The following SH3BP5 variants were observed in gnomAD, a reference collection of about 807,000 sequenced individuals.
The protein encoded by SH3BP5 is SH3 domain-binding protein 5.
In SH3BP5, 22 loss-of-function variants were observed where a neutral mutation model predicts 43.3. The observed-to-expected ratio is 0.51, with a 90% CI of 0.36 to 0.73. The LOEUF is 0.73. Ranked by LOEUF, SH3BP5 falls within the 30% of genes least tolerant of loss-of-function variation. The probability of loss-of-function intolerance (pLI) is 0.00; values close to 1 mark genes in which losing one functional copy is unlikely to be tolerated. For missense variants in SH3BP5, 529 were observed against 586.9 expected, an observed-to-expected ratio of 0.90 and a Z score of 1.02; for synonymous variants, 255 against 225.8, an observed-to-expected ratio of 1.13 and a Z score of -1.16.
Position 15,258,917 on chromosome 3 carries a change from G to A in SH3BP5, c.803C>T (p.Pro268Leu). Reference protein sequence around the residue: ...HERRRSSAMGPRGCGVGAEGS... With the variant: ...HERRRSSAMGLRGCGVGAEGS... ...CTCAGCACCAACACCGCATCCCCGA[G>A]GCCCCATGGCACTGGAGCGCCGCCG... Residue 268 changes from proline (P) to leucine (L), a missense_variant, in exon 7 of 9, where the codon CCT (proline) becomes CTT (leucine). Around this residue, in one of 3 missense-constraint regions of SH3BP5, gnomAD observed 369 missense variants for 384.3 expected, o/e 0.96. Transcript: ENST00000383791. 6.2e-7 allele frequency: 1 copy of A among 1,614,204 alleles called. No homozygotes were observed. The highest frequency in any genetic ancestry group is 1.7e-5 in the Admixed American group (1 of 60,022).
rs916259647 is a variant in SH3BP5, at chr3:15,256,783, G to A, written c.1150+70C>T. On this transcript the variant is annotated intron_variant, in intron 8 of 8. Coordinates refer to ENST00000383791, the MANE Select transcript of SH3BP5 (RefSeq NM_004844.5). ...GGGCCCTGAGACCTGGCAGAGGTAT[G>A]GAATGGCACAACAGTCAGGCTACAG... is the stretch of plus-strand genomic sequence containing the variant. The A allele has an allele frequency of 4.0e-6, 6 of 1,518,802 alleles. No homozygotes were observed. In the African/African-American group the frequency reaches 6.9e-5, roughly 17 times the overall value. The allele number at this position is 1,518,802 out of a possible 1,614,324, so 94.1% of individuals were successfully genotyped here.
chr3:15,341,000 C>G (rs994859561), intron 1 of SH3BP5, among the ~76,000 whole-genome samples: 1 of 152,002 alleles, frequency 6.6e-6, no homozygotes, highest in African/African-American at 2.4e-5. Flanking sequence ...TGTGATGAGC[C>G]GAGAGCACAC....
intron 2 of SH3BP5, among the ~76,000 whole-genome samples, chr3:15,306,691 C>CA (rs1344609814): frequency 6.6e-6 from 1 of 152,032 alleles, no homozygotes; most frequent in African/African-American, 2.4e-5. Context: ...TATTTTGAGA[C>CA]AGAGTCTCAC....
At chr3:15,273,428 C>T in intron 3 of SH3BP5, 1 of 984,952 alleles carries the variant, frequency 1.0e-6, no homozygotes, top group African/African-American at 1.7e-5. Context: ...AGAGGAAGCC[C>T]ATGTGAAGCT....
At chr3:15,273,325 T>C in intron 3 of SH3BP5, 8 of 985,396 alleles carry the variant, frequency 8.1e-6, no homozygotes, top group Non-Finnish European at 9.6e-6. Flanking sequence ...TTCTGAAAGG[T>C]GGCTGCTGTA....
intron 2 of SH3BP5, among the ~76,000 whole-genome samples, chr3:15,321,673 C>A (rs1490136279): frequency 6.6e-6 from 1 of 152,016 alleles, no homozygotes; most frequent in East Asian, 1.9e-4. Context: ...TCTGAGGGTA[C>A]ATTTTTCTAG....
intron 2 of SH3BP5, among the ~76,000 whole-genome samples, chr3:15,310,958 C>A (rs769189597): frequency 1.3e-5 from 2 of 152,158 alleles, no homozygotes; most frequent in African/African-American, 2.4e-5. Context: ...ATGAAGCACA[C>A]AGGATGAGTC....
chr3:15,328,481 C>A (rs895481676), intron 2 of SH3BP5, among the ~76,000 whole-genome samples: 1 of 151,816 alleles, frequency 6.6e-6, no homozygotes, highest in Non-Finnish European at 1.5e-5. Flanking sequence ...GTGATCCCAG[C>A]ACTTTGGGAG....
chr3:15,323,629 A>G (rs1360759014), intron 2 of SH3BP5, among the ~76,000 whole-genome samples: 1 of 152,192 alleles, frequency 6.6e-6, no homozygotes, highest in Non-Finnish European at 1.5e-5. Flanking sequence ...TATCCCTAGA[A>G]GTCAGCAGAC....
Position 15,255,220 on chromosome 3 carries a change from C to G in SH3BP5, c.*866G>C, listed in dbSNP as rs765433393. The G allele has an allele frequency of 1.6e-4, 25 of 152,624 alleles. No homozygotes were observed. Among genetic ancestry groups the G allele is most frequent in the Non-Finnish European group, 2.6e-4 (18 of 68,026 alleles). The allele number at this position is 152,624 out of a possible 1,614,324, so 9.5% of individuals were successfully genotyped here. On this transcript the variant is annotated 3_prime_UTR_variant, in exon 9 of 9. Coordinates refer to ENST00000383791, the MANE Select transcript of SH3BP5 (RefSeq NM_004844.5). ...TAAGGAATACTAGTGCAGCATAACC[C>G]TTAAATAATTTCATTTATTTTTAAA...
intron 2 of SH3BP5, chr3:15,304,432 C>CAGTG (rs1342020160): frequency 3.6e-5 from 29 of 797,838 alleles, no homozygotes; most frequent in Non-Finnish European, 2.1e-6. Flanking sequence ...GTGCTCTGCA[C>CAGTG]AGTGCAGTGT....
chr3:15,306,705 G>A (rs1697919485), intron 2 of SH3BP5, among the ~76,000 whole-genome samples: 1 of 152,082 alleles, frequency 6.6e-6, no homozygotes, highest in African/African-American at 2.4e-5. Flanking sequence ...GTCTCACTCT[G>A]TCACCCAGGC....
At chr3:15,265,361 C>G (rs893609703) in intron 4 of SH3BP5, among the ~76,000 whole-genome samples, 2 of 152,086 alleles carry the variant, frequency 1.3e-5, no homozygotes, top group African/African-American at 2.4e-5. Flanking sequence ...ACTAAAAATA[C>G]AAAAATTAGC....
At chr3:15,273,324 GTGGCTGC>G in intron 3 of SH3BP5, 1 of 985,302 alleles carries the variant, frequency 1.0e-6, no homozygotes, top group Non-Finnish European at 1.2e-6. Flanking sequence ...CTTCTGAAAG[GTGGCTGC>G]TGTACCACGG....
At chr3:15,303,850 C>T (rs188991232) in intron 3 of SH3BP5, among the ~76,000 whole-genome samples, 4 of 152,304 alleles carry the variant, frequency 2.6e-5, no homozygotes, top group Admixed American at 6.5e-5. Context: ...CCTCTGGACA[C>T]GTCCCCTTAA....
chr3:15,259,852 C>G lies in SH3BP5; in HGVS notation c.627-49G>C, dbSNP rs770747787. On this transcript the variant is annotated intron_variant, in intron 5 of 8. Transcript: ENST00000383791. ...CATCAGAGTAATATAATACAGTGAC[C>G]ACAGTCAACTCCACAAGATGAACAA... 1.9e-6 allele frequency: 3 copies of G among 1,550,328 alleles called. No homozygotes were observed. The South Asian group carries it at 3.3e-5, about 17-fold the overall frequency.
upstream of SH3BP5, among the ~76,000 whole-genome samples, chr3:15,334,076 T>G (rs1190243510): frequency 1.3e-5 from 2 of 152,208 alleles, no homozygotes; most frequent in Non-Finnish European, 2.9e-5. Context: ...CAGCCCTGAC[T>G]ATGATAAATG....
At chr3:15,282,922 A>G (rs1463657660) in intron 3 of SH3BP5, among the ~76,000 whole-genome samples, 1 of 152,118 alleles carries the variant, frequency 6.6e-6, no homozygotes, top group Non-Finnish European at 1.5e-5. Context: ...GAAATTCCAT[A>G]ATAAAAAGTT....
At chr3:15,320,867 G>A (rs950390207) in intron 2 of SH3BP5, among the ~76,000 whole-genome samples, 1 of 152,148 alleles carries the variant, frequency 6.6e-6, no homozygotes, top group African/African-American at 2.4e-5. Flanking sequence ...TGGGGATACA[G>A]TCACATGATT....
Sources: allele counts gnomAD v4.1 joint callset (sites outside exome capture counted in the v4.1 genomes callset), GRCh38; gene constraint gnomAD v4.1.1; regional missense constraint gnomAD v4.1.1; transcripts MANE v1.5; gene names NCBI Gene and HGNC (gene_info 2026-07-23, HGNC 2026-07-21).